The following GRXCR2 variants were observed in gnomAD, a reference collection of about 807,000 sequenced individuals.
GRXCR2 encodes glutaredoxin domain-containing cysteine-rich protein 2.
Under a neutral mutation model 24.8 loss-of-function variants are expected in GRXCR2, and 23 were observed. The observed-to-expected ratio is 0.93, with a 90% CI of 0.67 to 1.32. GRXCR2 has a LOEUF of 1.32. Among genes scored for constraint, GRXCR2 ranks in the 40% most tolerant of loss-of-function variants. The pLI, the probability that GRXCR2 is intolerant of heterozygous loss-of-function variation, is 0.00. For missense variants in GRXCR2, 315 were observed against 303.4 expected, an observed-to-expected ratio of 1.04 and a Z score of -0.28; for synonymous variants, 130 against 116.1, an observed-to-expected ratio of 1.12 and a Z score of -0.77.
At chr5:145,897,690 G>A (rs1054137219) in intron 2 of GRXCR2, among the ~76,000 whole-genome samples, 5 of 151,732 alleles carry the variant, frequency 3.3e-5, no homozygotes, top group African/African-American at 1.2e-4. Flanking sequence ...ATAATAATAT[G>A]GAAATTAAAC....
chr5:145,927,830 A>G (rs995439513), intron 2 of GRXCR2, among the ~76,000 whole-genome samples: 3 of 152,206 alleles, frequency 2.0e-5, no homozygotes, highest in African/African-American at 7.2e-5. Flanking sequence ...AACATTCAGG[A>G]CATAGGCATG....
At chr5:145,930,949 GATCT>G (rs1036302909) in intron 2 of GRXCR2, among the ~76,000 whole-genome samples, 186 of 152,310 alleles carry the variant, frequency 1.2e-3, no homozygotes, top group African/African-American at 4.0e-3. Flanking sequence ...TCGCCTAAGT[GATCT>G]ATCTGTCTAT....
upstream of GRXCR2, among the ~76,000 whole-genome samples, chr5:145,876,405 T>G (rs921110226): frequency 6.6e-6 from 1 of 150,856 alleles, no homozygotes. Flanking sequence ...GCCTCCTGAG[T>G]AGCTGAGACC....
In GRXCR2 at chr5:145,859,872, G is replaced by C. The variant is rs760103355; in HGVS notation, c.608C>G (p.Ser203Trp). ...PEDSCFHCRG[S>W]GSATCSLCHG... Reference sequence around the variant, plus strand: ...GCACAGAGAGCAGGTGGCACTGCCCGACCCTCGGCAGTGAAAACAGCTGTC... The same window carrying C: ...GCACAGAGAGCAGGTGGCACTGCCCCACCCTCGGCAGTGAAAACAGCTGTC... Residue 203 changes from serine (S) to tryptophan (W), a missense_variant, in exon 3 of 3, where the codon TCG (serine) becomes TGG (tryptophan). Physicochemically the swap from Ser to Trp is radical, Grantham distance 177. Transcript: ENST00000377976. 1 of 1,604,160 alleles carries C rather than the reference G, an allele frequency of 6.2e-7. No homozygotes were observed. The highest frequency in any genetic ancestry group is 8.5e-7 in the Non-Finnish European group (1 of 1,174,376).
chr5:145,889,237 A>AAAGG (rs1561683198), intron 2 of GRXCR2, among the ~76,000 whole-genome samples: 3 of 151,182 alleles, frequency 2.0e-5, no homozygotes, highest in Non-Finnish European at 4.4e-5. Context: ...AGAAAGAAAG[A>AAAGG]AAGAAAGAAT....
chr5:145,885,241 T>C (rs910618657), intron 2 of GRXCR2, among the ~76,000 whole-genome samples: 1 of 152,182 alleles, frequency 6.6e-6, no homozygotes, highest in Non-Finnish European at 1.5e-5. Flanking sequence ...TAAGAGTTCA[T>C]AGGACTTTAT....
intron 2 of GRXCR2, among the ~76,000 whole-genome samples, chr5:145,902,486 T>C (rs966762506): frequency 4.1e-4 from 63 of 152,198 alleles, no homozygotes; most frequent in African/African-American, 1.4e-3. Flanking sequence ...TATACTCTTA[T>C]ATGCATCTTT....
intron 2 of GRXCR2, among the ~76,000 whole-genome samples, chr5:145,929,198 CCTATATATATATATAT>C (rs1468765498): frequency 2.3e-5 from 2 of 88,420 alleles, no homozygotes; most frequent in Non-Finnish European, 4.1e-5. Context: ...AATATTCCCC[CCTATATATATATATAT>C]ATATATATAT....
rs370725478 is a variant in GRXCR2, at chr5:145,866,453, T to C, written c.564+48A>G. On this transcript the variant is annotated intron_variant, in intron 2 of 2. Coordinates refer to ENST00000377976, the MANE Select transcript of GRXCR2 (RefSeq NM_001080516.2). ...CACAATCAAGCCAGCTTGGAGACCA[T>C]TGCTGTAGGGCCAGCTCCGAGCAGG... The C allele has an allele frequency of 3.1e-3, 4,356 of 1,392,726 alleles. 12 individuals carry two copies. The highest frequency in any genetic ancestry group is 4.0e-3 in the Non-Finnish European group (4,000 of 989,506). 86.3% of individuals were successfully genotyped at this position (1,392,726 alleles called of 1,614,324 possible).
chr5:145,923,340 C>T (rs1333164466), intron 2 of GRXCR2, among the ~76,000 whole-genome samples: 3 of 151,904 alleles, frequency 2.0e-5, no homozygotes, highest in Non-Finnish European at 4.4e-5. Flanking sequence ...AGCAATGAGC[C>T]TGCAAGAAAA....
At chr5:145,899,387 C>T (rs1346119560) in intron 2 of GRXCR2, among the ~76,000 whole-genome samples, 2 of 152,020 alleles carry the variant, frequency 1.3e-5, no homozygotes, top group Non-Finnish European at 2.9e-5. Context: ...CATAATTTTT[C>T]ACAGAATTGG....
upstream of GRXCR2, among the ~76,000 whole-genome samples, chr5:145,877,691 T>A (rs1049988787): frequency 6.6e-6 from 1 of 152,218 alleles, no homozygotes; most frequent in African/African-American, 2.4e-5. Flanking sequence ...AGGTACCTGG[T>A]TCATCTCATT....
intron 2 of GRXCR2, among the ~76,000 whole-genome samples, chr5:145,887,869 G>C (rs571733768): frequency 2.7e-4 from 41 of 152,270 alleles, no homozygotes; most frequent in Non-Finnish European, 4.9e-4. Flanking sequence ...AGGGATCCTA[G>C]ACATACACAG....
intron 2 of GRXCR2, among the ~76,000 whole-genome samples, chr5:145,883,431 A>G (rs4913047): frequency 0.37 from 56,117 of 151,996 alleles, 10,968 homozygotes; most frequent in East Asian, 0.71. Flanking sequence ...TTGCATTTTT[A>G]CTTTGGCTAA....
intron 1 of GRXCR2, among the ~76,000 whole-genome samples, chr5:145,868,526 G>A (rs766439117): frequency 6.6e-6 from 1 of 152,070 alleles, no homozygotes; most frequent in Non-Finnish European, 1.5e-5. Context: ...TATGCAGGCT[G>A]GATTCTTATT....
At chr5:145,919,887 T>C (rs1272264479) in intron 2 of GRXCR2, among the ~76,000 whole-genome samples, 1 of 152,136 alleles carries the variant, frequency 6.6e-6, no homozygotes, top group Non-Finnish European at 1.5e-5. Flanking sequence ...CCTCAACACA[T>C]AGTACAGGGT....
At chr5:145,908,178 A>ATTCC (rs1757116285) in intron 2 of GRXCR2, among the ~76,000 whole-genome samples, 1 of 152,228 alleles carries the variant, frequency 6.6e-6, no homozygotes, top group Non-Finnish European at 1.5e-5. Context: ...CTCCAATCTC[A>ATTCC]GAAGTCGATT....
Position 145,859,822 on chromosome 5 carries a change from C to T in GRXCR2, c.658G>A (p.Ala220Thr). 1 of 1,613,876 alleles carries T rather than the reference C, an allele frequency of 6.2e-7. No homozygotes were observed. Among genetic ancestry groups the T allele is most frequent in the East Asian group, 2.2e-5 (1 of 44,878 alleles). ...LCHGSKFSML[A>T]NRFKESYRAL... ...CGATAGGACTCCTTAAATCTGTTGG[C>T]CAGCATCGAGAACTTGCTGCCGTGG... The change falls in exon 3 of 3, where the codon GCC (alanine) becomes ACC (threonine). Residue 220 changes from alanine (A) to threonine (T), a missense_variant. Physicochemically the swap from Ala to Thr is moderately conservative, Grantham distance 58. Transcript: ENST00000377976.
intron 2 of GRXCR2, among the ~76,000 whole-genome samples, chr5:145,928,554 T>C (rs1025675262): frequency 3.3e-5 from 5 of 152,070 alleles, no homozygotes; most frequent in African/African-American, 7.2e-5. Context: ...ACATATACAC[T>C]GTGGAATACT....
Sources: allele counts gnomAD v4.1 joint callset (sites outside exome capture counted in the v4.1 genomes callset), GRCh38; gene constraint gnomAD v4.1.1; transcripts MANE v1.5; gene names NCBI Gene and HGNC (gene_info 2026-07-23, HGNC 2026-07-21).